The following MAEA variants were observed in gnomAD, a reference collection of about 807,000 sequenced individuals.
MAEA encodes the protein macrophage erythroblast attacher, E3 ubiquitin ligase, also known as E3 ubiquitin-protein transferase MAEA.
In MAEA, 22 loss-of-function variants were observed where a neutral mutation model predicts 46.2. The ratio of observed to expected loss-of-function variants is 0.48; its 90% CI spans 0.34 to 0.68. The LOEUF (loss-of-function observed/expected upper bound fraction) is 0.68. Among genes scored for constraint, MAEA ranks in the 30% least tolerant of loss-of-function variants. The pLI, the probability that MAEA is intolerant of heterozygous loss-of-function variation, is 0.01. For missense variants in MAEA, 393 were observed against 558.1 expected, an observed-to-expected ratio of 0.70 and a Z score of 2.98; for synonymous variants, 246 against 222.6, an observed-to-expected ratio of 1.11 and a Z score of -0.94.
At chr4:1,310,705 G>T (rs920620698) in intron 1 of MAEA, among the ~76,000 whole-genome samples, 1 of 152,224 alleles carries the variant, frequency 6.6e-6, no homozygotes, top group Admixed American at 6.5e-5. Context: ...CCCGCGGTGG[G>T]TCCACGTCGG....
intron 1 of MAEA, among the ~76,000 whole-genome samples, chr4:1,300,927 C>G (rs925346659): frequency 2.0e-5 from 3 of 152,138 alleles, no homozygotes; most frequent in African/African-American, 7.2e-5. Context: ...GGGAGATTAG[C>G]TCAGGATGGC....
At chr4:1,312,807 C>G (rs17164638) in intron 2 of MAEA, among the ~76,000 whole-genome samples, 24,190 of 152,048 alleles carry the variant, frequency 0.16, 3,718 homozygotes, top group East Asian at 0.42. Context: ...GGACAGGGGC[C>G]TTGGGACTAA....
intron 1 of MAEA, among the ~76,000 whole-genome samples, chr4:1,307,064 A>G (rs1215727763): frequency 3.3e-5 from 5 of 152,168 alleles, no homozygotes; most frequent in Admixed American, 6.5e-5. Flanking sequence ...TCAGCACTCT[A>G]GCTTTATGAG....
chr4:1,317,660 C>T (rs1331677469), intron 3 of MAEA, among the ~76,000 whole-genome samples: 1 of 152,178 alleles, frequency 6.6e-6, no homozygotes, highest in Non-Finnish European at 1.5e-5. Flanking sequence ...TCTGCCCAGA[C>T]CTGCACAGCA....
At chr4:1,310,137 C>A in intron 1 of MAEA, 2 of 526,186 alleles carry the variant, frequency 3.8e-6, no homozygotes, top group Non-Finnish European at 4.9e-6. Context: ...ATATGCCTTG[C>A]GTCCTTTAGA....
At position 1,304,191 on chromosome 4, in the gene MAEA, C is replaced by G. The variant is rs1003933734; in HGVS notation, c.70-7788C>G. Among the ~76,000 whole-genome samples, 114 of 152,288 alleles carry G rather than the reference C, an allele frequency of 7.5e-4. 1 individual carries two copies. In the Middle Eastern group the frequency reaches 0.01, roughly 14 times the overall value. ...GTTGAGCACTTGAGATGTTGCTGGT[C>G]CAAATCGTCGTGTGCTGTCAATGTA... On this transcript the variant is annotated intron_variant, in intron 1 of 8. Coordinates refer to ENST00000303400, the MANE Select transcript of MAEA (RefSeq NM_001017405.3).
chr4:1,292,466 C>T (rs1162512479), intron 1 of MAEA, among the ~76,000 whole-genome samples: 2 of 152,100 alleles, frequency 1.3e-5, no homozygotes, highest in South Asian at 2.1e-4. Flanking sequence ...GCAGCCAACA[C>T]GCACTGACCT....
intron 2 of MAEA, chr4:1,312,423 ATTTTTTTT>A (rs34329974): frequency 1.6e-4 from 27 of 172,018 alleles, no homozygotes; most frequent in South Asian, 5.3e-4. Flanking sequence ...AGGTTGATTG[ATTTTTTTT>A]TTTTTTTTTT....
At chr4:1,319,962 C>T (rs1043572899) in intron 3 of MAEA, among the ~76,000 whole-genome samples, 15 of 143,480 alleles carry the variant, frequency 1.0e-4, no homozygotes, top group Non-Finnish European at 1.9e-4. Flanking sequence ...TTCAAGAAAA[C>T]GCTATGAAGG....
intron 1 of MAEA, among the ~76,000 whole-genome samples, chr4:1,294,795 A>T (rs76002147): frequency 1.7e-5 from 1 of 58,592 alleles, no homozygotes; most frequent in Non-Finnish European, 5.6e-5. Flanking sequence ...GTGGCAGGGG[A>T]CGGGGGTGGG....
intron 1 of MAEA, among the ~76,000 whole-genome samples, chr4:1,303,270 C>T (rs1049975305): frequency 6.3e-5 from 9 of 142,032 alleles, no homozygotes; most frequent in Non-Finnish European, 1.2e-4. Context: ...GTCATGGTGG[C>T]GTGCACCTGT....
chr4:1,290,569 C>T (rs114191007), intron 1 of MAEA, among the ~76,000 whole-genome samples: 193 of 152,302 alleles, frequency 1.3e-3, no homozygotes, highest in African/African-American at 4.5e-3. Context: ...AATTTGTGCT[C>T]CTAGTAGAAG....
chr4:1,305,793 A>G (rs1735774842), intron 1 of MAEA, among the ~76,000 whole-genome samples: 1 of 152,152 alleles, frequency 6.6e-6, no homozygotes, highest in Admixed American at 6.5e-5. Context: ...CTGTGTCACA[A>G]AGAATTGGCT....
At chr4:1,306,475 A>G (rs1735843393) in intron 1 of MAEA, among the ~76,000 whole-genome samples, 2 of 152,132 alleles carry the variant, frequency 1.3e-5, no homozygotes, top group Admixed American at 1.3e-4. Flanking sequence ...AGATCACGCT[A>G]TTGCACTCCA....
chr4:1,298,653 C>T (rs1735019393), intron 1 of MAEA, among the ~76,000 whole-genome samples: 1 of 152,222 alleles, frequency 6.6e-6, no homozygotes. Flanking sequence ...CCCTCGGGCT[C>T]CTAGAGCGCC....
At chr4:1,316,967 ACCACGG>A (rs1737281904) in intron 3 of MAEA, among the ~76,000 whole-genome samples, 2 of 41,232 alleles carry the variant, frequency 4.9e-5, no homozygotes, top group African/African-American at 1.4e-4. Flanking sequence ...CTGCAGGCCC[ACCACGG>A]CCCCACACTC....
intron 6 of MAEA, chr4:1,334,937 A>G: frequency 1.0e-6 from 1 of 985,260 alleles, no homozygotes; most frequent in Non-Finnish European, 1.2e-6. Flanking sequence ...TGTTGGAGTT[A>G]AGTGTGGTGT....
intron 1 of MAEA, among the ~76,000 whole-genome samples, chr4:1,295,017 G>T (rs1734498459): frequency 6.6e-6 from 1 of 152,154 alleles, no homozygotes; most frequent in Non-Finnish European, 1.5e-5. Flanking sequence ...TGCAGGGAGG[G>T]TCTCACAGTG....
chr4:1,332,475 G>C (rs1711965013), intron 5 of MAEA: 2 of 316,662 alleles, frequency 6.3e-6, no homozygotes, highest in East Asian at 8.2e-5. Flanking sequence ...AGCACTTTGG[G>C]AGGCCGGGGC....
Sources: allele counts gnomAD v4.1 joint callset (sites outside exome capture counted in the v4.1 genomes callset), GRCh38; gene constraint gnomAD v4.1.1; transcripts MANE v1.5; gene names NCBI Gene and HGNC (gene_info 2026-07-23, HGNC 2026-07-21).